Variants in GSS observed in about 807,000 individuals in gnomAD.
GSS encodes GSH synthetase.
In GSS, 34 loss-of-function variants were observed where a neutral mutation model predicts 60.4. That is an observed-to-expected ratio of 0.56 (90% CI 0.43 to 0.75). The LOEUF is 0.75. GSS is among the 30% of genes least tolerant of loss of function. GSS has a pLI of 0.00. For synonymous variants in GSS, 224 were observed against 239.0 expected (o/e 0.94, Z 0.58); for missense variants, 499 against 595.1 (o/e 0.84, Z 1.68).
At chr20:34,942,848 G>A in intron 4 of GSS, 83 bp downstream of exon 4, 1 of 1,089,628 alleles carries the variant, frequency 9.2e-7, no homozygotes. Flanking sequence ...TGAGGGCCTG[G>A]ACCAAATTCT....
intron 6 of GSS, among the ~76,000 whole-genome samples, chr20:34,937,296 C>T (rs2081448407): frequency 6.6e-6 from 1 of 152,176 alleles, no homozygotes; most frequent in Non-Finnish European, 1.5e-5. Flanking sequence ...GTAATGATGT[C>T]ATGGGTTGAT....
intron 1 of GSS, among the ~76,000 whole-genome samples, chr20:34,953,338 C>G (rs1377518357): frequency 6.6e-6 from 1 of 152,220 alleles, no homozygotes; most frequent in Non-Finnish European, 1.5e-5. Flanking sequence ...TTATGAAAGT[C>G]TGCCAGCCTC....
intron 6 of GSS, among the ~76,000 whole-genome samples, chr20:34,940,217 C>T (rs866502228): frequency 1.3e-5 from 2 of 152,172 alleles, no homozygotes; most frequent in South Asian, 2.1e-4. Flanking sequence ...CACATAACTC[C>T]TACCTACCAG....
Position 34,945,993 on chromosome 20 carries a change from C to T in GSS, c.235G>A (p.Val79Ile). 6.2e-7 allele frequency: 1 copy of T among 1,614,188 alleles called. No homozygotes were observed. The highest frequency in any genetic ancestry group is 8.5e-7 in the Non-Finnish European group (1 of 1,180,012). Residue 79 changes from valine (V) to isoleucine (I), a missense_variant, in exon 3 of 13, where the codon GTC becomes ATC. Val to Ile is a conservative substitution (Grantham distance 29, BLOSUM62 3). Coordinates refer to ENST00000651619, the MANE Select transcript of GSS (RefSeq NM_000178.4). ...QMDFNLLVDA[V>I]SQNAAFLEQT... ...TCCAGGAAGGCAGCGTTCTGGCTGA[C>T]AGCATCCACTAGCAGGTTGAAGTCC...
intron 2 of GSS, among the ~76,000 whole-genome samples, chr20:34,950,872 GAATTTGAACCATGA>G (rs1435944396): frequency 6.6e-6 from 1 of 152,152 alleles, no homozygotes; most frequent in African/African-American, 2.4e-5. Flanking sequence ...TGTACCATTT[GAATTTGAACCATGA>G]AAATGTCTTA....
chr20:34,947,134 C>G (rs2081528916), intron 2 of GSS, among the ~76,000 whole-genome samples: 1 of 152,032 alleles, frequency 6.6e-6, no homozygotes, highest in African/African-American at 2.4e-5. Flanking sequence ...GTTGCCCAGG[C>G]TGGAGTGCAG....
chr20:34,934,795 A>G (rs987544860), intron 9 of GSS, among the ~76,000 whole-genome samples: 20 of 152,206 alleles, frequency 1.3e-4, no homozygotes, highest in African/African-American at 4.8e-4. Context: ...TCATAGAAAC[A>G]GACCTAGAAA....
rs1421527846 is a variant in GSS at position 34,929,390 on chromosome 20, G to A, written c.1301+11C>T. The A allele has an allele frequency of 6.2e-7, 1 of 1,611,130 alleles. No homozygotes were observed. Among genetic ancestry groups the A allele is most frequent in the Non-Finnish European group, 8.5e-7 (1 of 1,177,366 alleles). ...GCAGGTAGTGGAAAGAGCTTCTCCT[G>A]ATTGGCTCACCTGACATAGACCCCA... On this transcript the variant is annotated intron_variant, in intron 12 of 12. Coordinates refer to ENST00000651619, the MANE Select transcript of GSS (RefSeq NM_000178.4).
chr20:34,950,455 G>C (rs748127854), intron 2 of GSS, among the ~76,000 whole-genome samples: 1 of 152,052 alleles, frequency 6.6e-6, no homozygotes, highest in Non-Finnish European at 1.5e-5. Flanking sequence ...GTACTGTTAA[G>C]TTAAAGAAAA....
At chr20:34,929,008 C>A in intron 12 of GSS, 57 bp from the exon 13 acceptor site, 1 of 1,608,288 alleles carries the variant, frequency 6.2e-7, no homozygotes, top group Middle Eastern at 2.2e-4. Flanking sequence ...AAACCCAGGA[C>A]CTTCCCTGGA....
At chr20:34,931,601 C>A (rs2147122131) in intron 10 of GSS, 184 bp from the exon 11 acceptor site, 1 of 679,854 alleles carries the variant, frequency 1.5e-6, no homozygotes. Flanking sequence ...GCAGCCGATG[C>A]AATGAGAACA....
At chr20:34,933,734 T>C (rs2147123550) in intron 9 of GSS, 1 of 152,008 alleles carries the variant, frequency 6.6e-6, no homozygotes, top group Admixed American at 6.6e-5. Context: ...ACATCAGAAA[T>C]AAACCCAGAG....
intron 1 of GSS, chr20:34,952,061 T>C (rs2081573769): frequency 3.2e-6 from 2 of 622,220 alleles, no homozygotes; most frequent in Admixed American, 2.4e-5. Flanking sequence ...TGACAAAGCA[T>C]TTCCATTGCC....
At chr20:34,936,113 C>A (rs1168784189) in intron 8 of GSS, among the ~76,000 whole-genome samples, 2 of 152,150 alleles carry the variant, frequency 1.3e-5, no homozygotes, top group African/African-American at 4.8e-5. Context: ...AAGACACAGG[C>A]TTTTTAAATG....
At chr20:34,936,433 G>A (rs576652664) in intron 8 of GSS, among the ~76,000 whole-genome samples, 1 of 152,192 alleles carries the variant, frequency 6.6e-6, no homozygotes, top group Admixed American at 6.5e-5. Context: ...GCATGAGCCA[G>A]CTGCTCCTCT....
At chr20:34,932,186 G>T in intron 9 of GSS, 53 bp from the exon 10 acceptor site, 1 of 1,393,914 alleles carries the variant, frequency 7.2e-7, no homozygotes, top group Non-Finnish European at 1.0e-6. Flanking sequence ...TTCAGCTGAC[G>T]TTTACTGAAC....
At chr20:34,936,059 G>T (rs191780948) in intron 8 of GSS, among the ~76,000 whole-genome samples, 40 of 152,300 alleles carry the variant, frequency 2.6e-4, no homozygotes, top group African/African-American at 9.4e-4. Flanking sequence ...TTAATGGCAG[G>T]GGTGAAGGTG....
Position 34,931,899 on chromosome 20 carries a change from C to G in GSS, c.1029+40G>C, listed in dbSNP as rs1208548354. The G allele has an allele frequency of 1.3e-5, 21 of 1,581,042 alleles. 1 individual carries two copies. The highest frequency in any genetic ancestry group is 1.8e-5 in the Non-Finnish European group (21 of 1,151,424). ...ACATTGGGCTGTAGGTCTCTGCCAC[C>G]TAGGAGGCCTGTGGTAGGAGAAACA... On this transcript the variant is annotated intron_variant, in intron 10 of 12. Coordinates refer to ENST00000651619, the MANE Select transcript of GSS (RefSeq NM_000178.4).
intron 6 of GSS, among the ~76,000 whole-genome samples, chr20:34,938,323 C>T (rs1416458845): frequency 6.6e-6 from 1 of 152,182 alleles, no homozygotes; most frequent in African/African-American, 2.4e-5. Context: ...GGCTGAACCT[C>T]TTAGTCTAAA....
Sources: allele counts gnomAD v4.1 joint callset (sites outside exome capture counted in the v4.1 genomes callset), GRCh38; gene constraint gnomAD v4.1.1; transcripts MANE v1.5; gene names NCBI Gene and HGNC (gene_info 2026-07-23, HGNC 2026-07-21).